Variants in DGKI observed in about 807,000 individuals in gnomAD.
The protein encoded by DGKI is diacylglycerol kinase iota, also known as DAG kinase iota.
A neutral mutation model predicts 147.5 loss-of-function variants in DGKI; 55 were observed. The ratio of observed to expected loss-of-function variants is 0.37; its 90% CI spans 0.30 to 0.47. The LOEUF (loss-of-function observed/expected upper bound fraction) is 0.47, where lower values mean the gene tolerates loss of function less well. DGKI is among the 20% of genes least tolerant of loss of function. The pLI, the probability that DGKI is intolerant of heterozygous loss-of-function variation, is 1.00. For synonymous variants in DGKI, 469 were observed against 477.1 expected (o/e 0.98, Z 0.22); for missense variants, 1,007 against 1,323.8 (o/e 0.76, Z 3.71).
intron 1 of DGKI, among the ~76,000 whole-genome samples, chr7:137,787,413 T>C (rs1796707832): frequency 6.6e-6 from 1 of 152,138 alleles, no homozygotes; most frequent in Non-Finnish European, 1.5e-5. Context: ...AAATTGCATT[T>C]TGATACGACC....
At chr7:137,438,487 A>G (rs28792453) in intron 28 of DGKI, among the ~76,000 whole-genome samples, 5,555 of 152,236 alleles carry the variant, frequency 0.036, 157 homozygotes, top group African/African-American at 0.087. Flanking sequence ...TTGGGAGTGT[A>G]TATTAAAATG....
chr7:137,796,672 G>A (rs1797043207), intron 1 of DGKI, among the ~76,000 whole-genome samples: 1 of 152,118 alleles, frequency 6.6e-6, no homozygotes. Flanking sequence ...TAACGTAAAT[G>A]AAAAATTCAC....
intron 8 of DGKI, among the ~76,000 whole-genome samples, chr7:137,613,871 A>AAC (rs1282729411): frequency 1.3e-5 from 2 of 152,176 alleles, no homozygotes; most frequent in Admixed American, 6.6e-5. Flanking sequence ...ATTTATTAAA[A>AAC]ACACACACCC....
chr7:137,505,950 A>G (rs576926056), intron 21 of DGKI, among the ~76,000 whole-genome samples: 16 of 151,042 alleles, frequency 1.1e-4, no homozygotes, highest in Middle Eastern at 3.4e-3. Flanking sequence ...AAAAAAAACC[A>G]CCACCACCAA....
intron 6 of DGKI, among the ~76,000 whole-genome samples, chr7:137,632,113 G>T (rs1821142583): frequency 6.6e-6 from 1 of 152,090 alleles, no homozygotes; most frequent in South Asian, 2.1e-4. Context: ...AGTTGCAAGG[G>T]GACTTGACCT....
At chr7:137,514,095 G>A (rs1654534074) in intron 21 of DGKI, among the ~76,000 whole-genome samples, 1 of 152,022 alleles carries the variant, frequency 6.6e-6, no homozygotes, top group South Asian at 2.1e-4. Flanking sequence ...TCACCTCTGA[G>A]ACCCACCTTG....
intron 12 of DGKI, among the ~76,000 whole-genome samples, chr7:137,588,789 T>G (rs1235497350): frequency 6.6e-6 from 1 of 152,186 alleles, no homozygotes; most frequent in Non-Finnish European, 1.5e-5. Context: ...ACCGATGCCT[T>G]TCTATGTGCC....
chr7:137,773,229 G>T (rs2116857716), intron 1 of DGKI, among the ~76,000 whole-genome samples: 1 of 152,178 alleles, frequency 6.6e-6, no homozygotes, highest in East Asian at 1.9e-4. Flanking sequence ...TTTCATATTA[G>T]CAAAAACAAA....
intron 3 of DGKI, among the ~76,000 whole-genome samples, chr7:137,676,109 GAC>G (rs538235098): frequency 1.6e-3 from 239 of 152,144 alleles, no homozygotes; most frequent in Non-Finnish European, 6.8e-4. Flanking sequence ...TGGGGAGAGA[GAC>G]TGAGAGGATT....
intron 1 of DGKI, among the ~76,000 whole-genome samples, chr7:137,799,358 G>A (rs899582989): frequency 5.3e-5 from 8 of 152,064 alleles, no homozygotes; most frequent in Non-Finnish European, 1.0e-4. Flanking sequence ...GTGGGGAACG[G>A]GGAAGTGACT....
At chr7:137,721,595 C>T (rs1394047870) in intron 1 of DGKI, among the ~76,000 whole-genome samples, 4 of 152,138 alleles carry the variant, frequency 2.6e-5, no homozygotes, top group African/African-American at 7.2e-5. Context: ...GCTTTCCAGC[C>T]CATCCTCTCA....
intron 23 of DGKI, among the ~76,000 whole-genome samples, chr7:137,473,615 G>A (rs1815062930): frequency 6.6e-6 from 1 of 152,098 alleles, no homozygotes; most frequent in Non-Finnish European, 1.5e-5. Flanking sequence ...CCAATGCAAA[G>A]TTACTGGTAA....
intron 27 of DGKI, among the ~76,000 whole-genome samples, chr7:137,451,847 T>C (rs1813976814): frequency 6.6e-6 from 1 of 152,230 alleles, no homozygotes; most frequent in Non-Finnish European, 1.5e-5. Flanking sequence ...TTTTAGACTC[T>C]ATGCATATTT....
chr7:137,388,567 G>A lies in DGKI; in HGVS notation c.*2653C>T, dbSNP rs542132122. ...TTGCTTTCCTGATGTCCTAATAGTA[G>A]GGATACAATATACTTAAGCTGAGAT... is the stretch of plus-strand genomic sequence containing the variant. On this transcript the variant is annotated 3_prime_UTR_variant, in exon 33 of 33. Coordinates refer to ENST00000614521, the MANE Select transcript of DGKI (RefSeq NM_001321708.2). 6.6e-6 allele frequency: 1 copy of A among 152,212 alleles called. No homozygotes were observed. The highest frequency in any genetic ancestry group is 6.5e-5 in the Admixed American group (1 of 15,268). The allele number at this position is 152,212 out of a possible 1,614,324, so 9.4% of individuals were successfully genotyped here. A position where few individuals can be genotyped will look rare whatever the true frequency, so the allele number is the denominator to read the frequency against.
chr7:137,422,595 CTTTTTTTTT>C (rs60494368), intron 28 of DGKI, among the ~76,000 whole-genome samples: 5 of 61,966 alleles, frequency 8.1e-5, no homozygotes, highest in South Asian at 1.9e-3. Flanking sequence ...TTTTTCTTTT[CTTTTTTTTT>C]TTTTTTTTTT....
rs552564564 is a variant in DGKI, at chr7:137,559,281, C to T, written c.1948-6713G>A. On this transcript the variant is annotated intron_variant, in intron 19 of 32. Transcript: ENST00000614521. ...AGAGACGGGGTTTCACCGTTATAGCCGGGATGGTCTCGATCTCCTGACCTC... is the reference window on the plus strand; with the variant it reads ...AGAGACGGGGTTTCACCGTTATAGCTGGGATGGTCTCGATCTCCTGACCTC... Among the ~76,000 whole-genome samples, 15 of 151,038 alleles carry T rather than the reference C, an allele frequency of 9.9e-5. No homozygotes were observed. In the South Asian group the frequency reaches 1.0e-3, roughly 11 times the overall value.
chr7:137,747,607 A>G (rs936183095), intron 1 of DGKI, among the ~76,000 whole-genome samples: 2 of 152,150 alleles, frequency 1.3e-5, no homozygotes, highest in Admixed American at 1.3e-4. Context: ...CGGCTCCCAC[A>G]TTGTGGAATG....
At chr7:137,574,963 A>G (rs1818920147) in intron 17 of DGKI, among the ~76,000 whole-genome samples, 1 of 152,188 alleles carries the variant, frequency 6.6e-6, no homozygotes, top group Non-Finnish European at 1.5e-5. Flanking sequence ...GAGACATCTA[A>G]TCACTCTCAC....
At chr7:137,613,302 G>A (rs998034969) in intron 8 of DGKI, among the ~76,000 whole-genome samples, 2 of 152,068 alleles carry the variant, frequency 1.3e-5, no homozygotes, top group Admixed American at 6.6e-5. Context: ...CTATTAAAGC[G>A]CATTCTTACT....
Sources: gnomAD v4.1 joint callset for allele counts (sites outside exome capture counted in the v4.1 genomes callset) on GRCh38, gnomAD v4.1.1 for gene constraint, MANE v1.5 for transcripts, NCBI Gene and HGNC (gene_info 2026-07-23, HGNC 2026-07-21) for gene names.